Variants in ARID1B observed in about 807,000 individuals in gnomAD.
The protein encoded by ARID1B is AT-rich interaction domain 1B.
In ARID1B, 30 loss-of-function variants were observed where a neutral mutation model predicts 212.3. That is an observed-to-expected ratio of 0.14 (90% CI 0.11 to 0.19). ARID1B has a LOEUF of 0.19. ARID1B is among the 10% of genes least tolerant of loss of function. ARID1B has a pLI of 1.00. For missense variants in ARID1B, 2,891 were observed against 3,204.0 expected, an observed-to-expected ratio of 0.90 and a Z score of 2.36; for synonymous variants, 1,402 against 1,301.7, an observed-to-expected ratio of 1.08 and a Z score of -1.66.
At chr6:157,002,904 T>G (rs1778988156) in intron 4 of ARID1B, among the ~76,000 whole-genome samples, 1 of 152,202 alleles carries the variant, frequency 6.6e-6, no homozygotes, top group Admixed American at 6.5e-5. Flanking sequence ...ATCTTAGACT[T>G]GAAGGACAGT....
chr6:157,104,715 C>G (rs147159590), intron 5 of ARID1B, among the ~76,000 whole-genome samples: 352 of 152,250 alleles, frequency 2.3e-3, no homozygotes, highest in African/African-American at 7.8e-3. Flanking sequence ...CCTCTAGGTA[C>G]CTGAAAGAAA....
chr6:157,122,911 A>G (rs1787838995), intron 6 of ARID1B, among the ~76,000 whole-genome samples: 1 of 151,834 alleles, frequency 6.6e-6, no homozygotes, highest in East Asian at 1.9e-4. Flanking sequence ...TGAACTCCTG[A>G]CCTCAGGTGA....
chr6:157,084,525 G>A (rs1162379404), intron 4 of ARID1B, 137 bp from the exon 5 acceptor site: 3 of 1,064,130 alleles, frequency 2.8e-6, no homozygotes, highest in Non-Finnish European at 4.0e-6. Flanking sequence ...ATAAAAAGTG[G>A]CCATGCTTTT....
At chr6:157,136,925 C>T (rs1788955905) in intron 7 of ARID1B, among the ~76,000 whole-genome samples, 1 of 151,902 alleles carries the variant, frequency 6.6e-6, no homozygotes. Context: ...TGCCCATAAT[C>T]TCAGCACTTT....
intron 11 of ARID1B, among the ~76,000 whole-genome samples, chr6:157,180,212 C>T (rs1336035038): frequency 6.6e-6 from 1 of 152,158 alleles, no homozygotes. Context: ...GAAACGGCAA[C>T]TCTTGATATT....
intron 3 of ARID1B, among the ~76,000 whole-genome samples, chr6:156,913,042 C>G (rs1790027843): frequency 7.7e-6 from 1 of 129,792 alleles, no homozygotes; most frequent in Non-Finnish European, 1.7e-5. Flanking sequence ...TTTTCACTTG[C>G]TTTGTAAATT....
At chr6:157,151,168 G>T (rs189165889) in intron 8 of ARID1B, 1 of 152,204 alleles carries the variant, frequency 6.6e-6, no homozygotes, top group Non-Finnish European at 1.5e-5. Flanking sequence ...GATCTGTGTC[G>T]AAGACATGAT....
chr6:157,020,633 A>T (rs995564063), intron 4 of ARID1B, among the ~76,000 whole-genome samples: 1 of 152,166 alleles, frequency 6.6e-6, no homozygotes, highest in Non-Finnish European at 1.5e-5. Context: ...CATTTCTCCT[A>T]CTCAGATCGC....
chr6:156,780,446 AG>A (rs1174621263), intron 1 of ARID1B: 4 of 152,276 alleles, frequency 2.6e-5, no homozygotes, highest in Non-Finnish European at 4.4e-5. Flanking sequence ...CTGAGCCTAA[AG>A]ACTGACTTGA....
intron 1 of ARID1B, among the ~76,000 whole-genome samples, chr6:156,783,193 A>G (rs62435781): frequency 8.5e-4 from 129 of 152,134 alleles, no homozygotes; most frequent in Non-Finnish European, 1.5e-3. Context: ...ATTTTTCTCA[A>G]TGTCATAGTG....
chr6:156,953,707 C>T (rs1793756190), intron 4 of ARID1B, among the ~76,000 whole-genome samples: 1 of 152,114 alleles, frequency 6.6e-6, no homozygotes, highest in Admixed American at 6.5e-5. Context: ...CTTACCACTC[C>T]CTCTGGCTGC....
rs2128377400 is a variant in ARID1B at position 157,201,474 on chromosome 6, C to T, written c.5249C>T (p.Thr1750Ile). The T allele has an allele frequency of 6.7e-7, 1 of 1,500,112 alleles. No individual in the cohort carries two copies. Among genetic ancestry groups the T allele is most frequent in the Non-Finnish European group, 8.9e-7 (1 of 1,123,972 alleles). 92.9% of individuals were successfully genotyped at this position (1,500,112 alleles called of 1,614,324 possible). A position where few individuals can be genotyped will look rare whatever the true frequency, so the allele number is the denominator to read the frequency against. The change falls in exon 18 of 20, where the codon ACC becomes ATC. Residue 1750 changes from threonine (T) to isoleucine (I), a missense_variant. Around this residue, in one of 7 missense-constraint regions of ARID1B, gnomAD observed 666 missense variants for 873.5 expected, o/e 0.76. Transcript: ENST00000636930. This position sits in a 1 kb window ranked among gnomAD's most constrained non-coding sequence, Gnocchi z 5.2. ...QPVLKQRRKI[T>I]SKDIVTPEAW... ...GTCTTGAAACAAAGGCGAAAGATTA[C>T]CTCCAAAGATATCGGTAAGAATTCC...
intron 2 of ARID1B, among the ~76,000 whole-genome samples, chr6:156,898,513 C>T (rs758729566): frequency 2.6e-5 from 4 of 152,144 alleles, no homozygotes; most frequent in Non-Finnish European, 5.9e-5. Context: ...CTGTGGTCTG[C>T]AGCATCCAGC....
At chr6:157,065,134 C>T (rs972977435) in intron 4 of ARID1B, among the ~76,000 whole-genome samples, 4 of 152,142 alleles carry the variant, frequency 2.6e-5, no homozygotes, top group African/African-American at 9.7e-5. Context: ...CTCTCCACGT[C>T]CCTATCTAAC....
chr6:157,067,673 T>C (rs1283222513), intron 4 of ARID1B, among the ~76,000 whole-genome samples: 1 of 152,236 alleles, frequency 6.6e-6, no homozygotes, highest in Admixed American at 6.5e-5. Context: ...CCTTGCATTT[T>C]TCCGCATGTG....
At chr6:157,015,938 C>T (rs556774820) in intron 4 of ARID1B, among the ~76,000 whole-genome samples, 2 of 152,270 alleles carry the variant, frequency 1.3e-5, no homozygotes, top group East Asian at 1.9e-4. Flanking sequence ...AAAATTAGAC[C>T]GGTTCAGAGC....
At chr6:157,188,517 T>C (rs998452526) in intron 13 of ARID1B, among the ~76,000 whole-genome samples, 6 of 152,238 alleles carry the variant, frequency 3.9e-5, no homozygotes, top group African/African-American at 1.4e-4. Flanking sequence ...AAAATGTGAA[T>C]AATGGTAGTT....
Position 157,190,248 on chromosome 6 carries a change from T to C in ARID1B, c.4231+38T>C. 6.3e-7 allele frequency: 1 copy of C among 1,576,578 alleles called. No individual in the cohort carries two copies. Among genetic ancestry groups the C allele is most frequent in the South Asian group, 1.2e-5 (1 of 86,122 alleles). On this transcript the variant is annotated intron_variant, in intron 15 of 19. Coordinates refer to ENST00000636930, the MANE Select transcript of ARID1B (RefSeq NM_001374828.1). This position sits in a 1 kb window ranked among gnomAD's most constrained non-coding sequence, Gnocchi z 4.6. Reference sequence around the variant, plus strand: ...GGGCCTCCACCCGGCCATGGACCAGTGGGCATTCTACTCTCTGCCGTTCCA... The same window carrying C: ...GGGCCTCCACCCGGCCATGGACCAGCGGGCATTCTACTCTCTGCCGTTCCA...
At chr6:156,816,663 C>T (rs1781985090) in intron 1 of ARID1B, among the ~76,000 whole-genome samples, 1 of 152,188 alleles carries the variant, frequency 6.6e-6, no homozygotes, top group Non-Finnish European at 1.5e-5. Context: ...CTTCCGTTTA[C>T]AGGGCAGCCA....
Sources: gnomAD v4.1 joint callset for allele counts (sites outside exome capture counted in the v4.1 genomes callset) on GRCh38, gnomAD v4.1.1 for gene constraint, gnomAD v4.1.1 regional missense constraint, Gnocchi (gnomAD v3.1) non-coding constraint, MANE v1.5 for transcripts, NCBI Gene and HGNC (gene_info 2026-07-23, HGNC 2026-07-21) for gene names.